The following TSPAN18 variants were observed in gnomAD, a reference collection of about 807,000 sequenced individuals.
TSPAN18 encodes tetraspanin 18.
In TSPAN18, 14 loss-of-function variants were observed where a neutral mutation model predicts 27.3. That is an observed-to-expected ratio of 0.51 (90% CI 0.34 to 0.80). TSPAN18 has a LOEUF of 0.80. Among genes scored for constraint, TSPAN18 ranks in the 30% least tolerant of loss-of-function variants. TSPAN18 has a pLI of 0.01. For missense variants in TSPAN18, 268 were observed against 323.9 expected (o/e 0.83, Z 1.32); for synonymous variants, 143 against 136.5 (o/e 1.05, Z -0.33).
At chr11:44,864,098 C>G (rs578052466) in intron 3 of TSPAN18, among the ~76,000 whole-genome samples, 7 of 151,560 alleles carry the variant, frequency 4.6e-5, no homozygotes, top group Non-Finnish European at 1.0e-4. Context: ...AGCAGCCTGG[C>G]CAACATAGTG....
intron 1 of TSPAN18, among the ~76,000 whole-genome samples, chr11:44,756,733 C>A (rs766839092): frequency 6.6e-6 from 1 of 152,144 alleles, no homozygotes; most frequent in Non-Finnish European, 1.5e-5. Context: ...TATGTTGCAG[C>A]GTGTCAGAAT....
At chr11:44,777,801 G>GGC (rs1855848249) in intron 2 of TSPAN18, among the ~76,000 whole-genome samples, 1 of 152,122 alleles carries the variant, frequency 6.6e-6, no homozygotes, top group Non-Finnish European at 1.5e-5. Context: ...CTCCAGGAGG[G>GGC]TGTCCGGGTA....
In TSPAN18 at chr11:44,727,273, A is replaced by C. The variant is rs4755879; in HGVS notation, c.-254A>C. On this transcript the variant is annotated 5_prime_UTR_variant, in exon 1 of 10. Transcript: ENST00000520358. ...GGCGGGATTTGGCGCGGGGTCCGGCAGCCGCCGCTGGAAGGTATGGGGCTC... is the reference window on the plus strand; with the variant it reads ...GGCGGGATTTGGCGCGGGGTCCGGCCGCCGCCGCTGGAAGGTATGGGGCTC... 11,987 of 151,494 alleles carry C rather than the reference A, an allele frequency of 0.079. 1,262 individuals carry two copies. Among genetic ancestry groups the C allele is most frequent in the African/African-American group, 0.25 (10,253 of 41,344 alleles). The allele number at this position is 151,494 out of a possible 1,614,324, so 9.4% of individuals were successfully genotyped here.
chr11:44,838,267 T>C (rs1446708513), intron 2 of TSPAN18, among the ~76,000 whole-genome samples: 1 of 152,112 alleles, frequency 6.6e-6, no homozygotes, highest in Non-Finnish European at 1.5e-5. Context: ...GCAAGGCATG[T>C]CTTACATGGC....
chr11:44,851,137 ATG>A (rs1857590422), intron 2 of TSPAN18, among the ~76,000 whole-genome samples: 1 of 152,176 alleles, frequency 6.6e-6, no homozygotes, highest in African/African-American at 2.4e-5. Flanking sequence ...GTGTGTGGGG[ATG>A]TGAGTGCGTG....
chr11:44,908,794 A>AGAAGGAAGGAAGGAAG (rs1859580047), intron 4 of TSPAN18, among the ~76,000 whole-genome samples: 2 of 77,830 alleles, frequency 2.6e-5, no homozygotes, highest in African/African-American at 4.2e-5. Flanking sequence ...AAAGAAAGAA[A>AGAAGGAAGGAAGGAAG]GAAAGAAAGA....
At chr11:44,756,831 T>C (rs766572229) in intron 1 of TSPAN18, among the ~76,000 whole-genome samples, 1 of 152,222 alleles carries the variant, frequency 6.6e-6, no homozygotes, top group Non-Finnish European at 1.5e-5. Flanking sequence ...GACACTTGAG[T>C]TATTTGCATG....
At chr11:44,763,771 T>C (rs895431357) in intron 1 of TSPAN18, among the ~76,000 whole-genome samples, 1 of 152,220 alleles carries the variant, frequency 6.6e-6, no homozygotes, top group South Asian at 2.1e-4. Flanking sequence ...AGATTGAAAA[T>C]ATGCCCCCAT....
intron 2 of TSPAN18, among the ~76,000 whole-genome samples, chr11:44,846,143 T>A (rs901280780): frequency 6.6e-6 from 1 of 152,226 alleles, no homozygotes; most frequent in Non-Finnish European, 1.5e-5. Flanking sequence ...GCGGTGGGTC[T>A]CATTATTCCC....
At chr11:44,874,665 C>T (rs910836853) in intron 3 of TSPAN18, among the ~76,000 whole-genome samples, 2 of 152,212 alleles carry the variant, frequency 1.3e-5, no homozygotes, top group African/African-American at 2.4e-5. Flanking sequence ...AGCCGGAGAA[C>T]TAATTGCATG....
At chr11:44,811,277 T>G (rs1425938774) in intron 2 of TSPAN18, among the ~76,000 whole-genome samples, 1 of 152,036 alleles carries the variant, frequency 6.6e-6, no homozygotes, top group Non-Finnish European at 1.5e-5. Context: ...TAATCTGATG[T>G]TTTGTTTTGT....
chr11:44,849,120 T>C (rs1348295845), intron 2 of TSPAN18, among the ~76,000 whole-genome samples: 3 of 152,094 alleles, frequency 2.0e-5, no homozygotes, highest in Non-Finnish European at 4.4e-5. Flanking sequence ...GCTCTTACAT[T>C]AGAGGCTACG....
chr11:44,824,988 C>G (rs540981576), intron 2 of TSPAN18, among the ~76,000 whole-genome samples: 1 of 152,290 alleles, frequency 6.6e-6, no homozygotes, highest in African/African-American at 2.4e-5. Context: ...ACACTAAACC[C>G]ATCCTCCCAG....
At chr11:44,833,916 C>A (rs1205493352) in intron 2 of TSPAN18, among the ~76,000 whole-genome samples, 1 of 151,788 alleles carries the variant, frequency 6.6e-6, no homozygotes, top group Non-Finnish European at 1.5e-5. Flanking sequence ...CTGCTTTGTC[C>A]ATAACCTGCC....
chr11:44,893,036 C>T (rs893374424), intron 3 of TSPAN18, among the ~76,000 whole-genome samples: 29 of 152,330 alleles, frequency 1.9e-4, no homozygotes, highest in African/African-American at 6.7e-4. Flanking sequence ...GGGCAAGAGC[C>T]CGTCCCTCTC....
intron 3 of TSPAN18, among the ~76,000 whole-genome samples, chr11:44,894,677 G>C (rs942026103): frequency 1.3e-5 from 2 of 152,206 alleles, no homozygotes; most frequent in Non-Finnish European, 2.9e-5. Context: ...TCCCATCTCT[G>C]TGCCTTTCTG....
At chr11:44,822,658 T>A (rs1856951275) in intron 2 of TSPAN18, among the ~76,000 whole-genome samples, 1 of 151,950 alleles carries the variant, frequency 6.6e-6, no homozygotes, top group Admixed American at 6.6e-5. Flanking sequence ...AAAGGGAGCA[T>A]CCCAGTGTTT....
intron 4 of TSPAN18, among the ~76,000 whole-genome samples, chr11:44,908,797 A>AGG (rs1859581307): frequency 7.1e-5 from 8 of 112,302 alleles, no homozygotes; most frequent in African/African-American, 2.9e-4. Flanking sequence ...GAAAGAAAGA[A>AGG]AGAAAGAAAG....
chr11:44,896,370 G>A (rs544065362), intron 3 of TSPAN18, among the ~76,000 whole-genome samples: 1 of 152,046 alleles, frequency 6.6e-6, no homozygotes, highest in African/African-American at 2.4e-5. Context: ...TTTCCCATTG[G>A]ACTCAGTTTC....
Sources: allele counts gnomAD v4.1 joint callset (sites outside exome capture counted in the v4.1 genomes callset), GRCh38; gene constraint gnomAD v4.1.1; transcripts MANE v1.5; gene names NCBI Gene and HGNC (gene_info 2026-07-23, HGNC 2026-07-21).